NBAS: variants seen among roughly 807,000 people sequenced by gnomAD.
NBAS encodes NAG/BC035112 fusion.
NBAS carries 219 observed loss-of-function variants against 302.5 expected under a neutral mutation model. The observed-to-expected ratio is 0.72, with a 90% CI of 0.65 to 0.81. NBAS has a LOEUF of 0.81. NBAS is among the 30% of genes least tolerant of loss of function. The pLI is 0.00. For missense variants in NBAS, 2,932 were observed against 2,841.6 expected (o/e 1.03, Z -0.72); for synonymous variants, 1,118 against 1,021.6 (o/e 1.09, Z -1.80).
At chr2:15,073,648 A>G in the NBAS span, among the ~76,000 whole-genome samples, 1 of 152,196 alleles carries the variant, frequency 6.6e-6, no homozygotes, top group African/African-American at 2.4e-5. Context: ...ATTACTAAGC[A>G]AAATGTACTT....
the NBAS span, among the ~76,000 whole-genome samples, chr2:14,917,733 A>G: frequency 6.6e-6 from 1 of 152,210 alleles, no homozygotes; most frequent in East Asian, 1.9e-4. Context: ...TGGACAAGGA[A>G]TGGCCTCTTG....
At chr2:14,814,053 A>C in the NBAS span, among the ~76,000 whole-genome samples, 1 of 152,236 alleles carries the variant, frequency 6.6e-6, no homozygotes, top group African/African-American at 2.4e-5. Flanking sequence ...TCAGGTGTGC[A>C]GAAGGTAAGA....
the NBAS span, among the ~76,000 whole-genome samples, chr2:14,831,614 G>T: frequency 6.6e-6 from 1 of 152,082 alleles, no homozygotes; most frequent in Non-Finnish European, 1.5e-5. Context: ...ATTATTATTT[G>T]CATGGAGACC....
At chr2:15,384,653 C>A (rs1342383845) in intron 28 of NBAS, among the ~76,000 whole-genome samples, 1 of 151,624 alleles carries the variant, frequency 6.6e-6, no homozygotes, top group Admixed American at 6.6e-5. Flanking sequence ...GTAGGAGAGA[C>A]AATATACTGT....
At chr2:14,969,126 C>T in the NBAS span, among the ~76,000 whole-genome samples, 5 of 152,228 alleles carry the variant, frequency 3.3e-5, no homozygotes, top group Middle Eastern at 3.4e-3. Flanking sequence ...GATTCCATTT[C>T]TATGACATGC....
the NBAS span, among the ~76,000 whole-genome samples, chr2:14,869,111 A>G: frequency 2.0e-5 from 3 of 152,208 alleles, no homozygotes; most frequent in African/African-American, 7.2e-5. Context: ...AAAATGAAAT[A>G]AATAAGCAAG....
chr2:15,300,297 T>G (rs931267009), intron 40 of NBAS, among the ~76,000 whole-genome samples: 5 of 152,226 alleles, frequency 3.3e-5, no homozygotes, highest in African/African-American at 1.2e-4. Context: ...GAGTGAAAGC[T>G]AAGCTTCACT....
chr2:15,205,457 A>T lies in NBAS; in HGVS notation c.6432+13316T>A, dbSNP rs533798339. 1.0e-3 allele frequency among the ~76,000 whole-genome samples: 142 copies of T among 141,094 alleles called. 1 individual carries two copies. The highest frequency in any genetic ancestry group is 4.5e-5 in the Non-Finnish European group (3 of 66,776). The allele number at this position is 141,094 out of a possible 152,430, so 92.6% of individuals were successfully genotyped here. ...ATGGACTAAATTCGCCAATCAAAAG[A>T]CATAGAGTGGTTGAATAAATTAAAA... On this transcript the variant is annotated intron_variant, in intron 48 of 51. Transcript: ENST00000281513.
chr2:14,990,125 A>C, the NBAS span, among the ~76,000 whole-genome samples: 1 of 151,852 alleles, frequency 6.6e-6, no homozygotes, highest in Non-Finnish European at 1.5e-5. Flanking sequence ...TTAAATTGTT[A>C]AAACAGGCCA....
At chr2:14,934,447 CTCCTTTTCTATAAGTCT>C in the NBAS span, among the ~76,000 whole-genome samples, 12 of 152,072 alleles carry the variant, frequency 7.9e-5, no homozygotes, top group Non-Finnish European at 1.3e-4. Context: ...TAACATTTAA[CTCCTTTTCTATAAGTCT>C]ATTGAGTCCG....
chr2:15,343,844 G>T (rs1672965482), intron 35 of NBAS, among the ~76,000 whole-genome samples: 1 of 149,586 alleles, frequency 6.7e-6, no homozygotes, highest in Admixed American at 6.7e-5. Flanking sequence ...ATACATAAAA[G>T]AAAATATTAA....
chr2:15,468,892 T>C (rs1679839463), intron 16 of NBAS, among the ~76,000 whole-genome samples: 1 of 152,262 alleles, frequency 6.6e-6, no homozygotes, highest in Non-Finnish European at 1.5e-5. Context: ...AAAGGCAAGA[T>C]ATATTCTGTC....
chr2:15,150,066 CAAAAAAA>C, the NBAS span, among the ~76,000 whole-genome samples: 1 of 64,186 alleles, frequency 1.6e-5, no homozygotes. Context: ...AACCCTGTCT[CAAAAAAA>C]AAAAAAAAAA....
intron 9 of NBAS, among the ~76,000 whole-genome samples, chr2:15,532,488 C>CAAAAAAA: frequency 2.1e-5 from 1 of 47,802 alleles, no homozygotes; most frequent in South Asian, 6.7e-4. Flanking sequence ...GACTCCATCT[C>CAAAAAAA]AAAAAAAAAA....
intron 40 of NBAS, among the ~76,000 whole-genome samples, chr2:15,295,404 CACAG>C (rs1670502191): frequency 6.6e-6 from 1 of 152,172 alleles, no homozygotes; most frequent in Admixed American, 6.5e-5. Context: ...GTGAAATAAG[CACAG>C]ACACACAGAG....
rs77618990 is a variant in NBAS, at chr2:15,512,953, C to T, written c.747-1603G>A. On this transcript the variant is annotated intron_variant, in intron 9 of 51. Coordinates refer to ENST00000281513, the MANE Select transcript of NBAS (RefSeq NM_015909.4). The stretch of plus-strand genomic sequence containing the variant: ...GTCACACTCTAATGCCACTAAAAGC[C>T]CTCTTCTCATTTGACAACCCACTTT... Among the ~76,000 whole-genome samples, 631 of 152,226 alleles carry T rather than the reference C, an allele frequency of 4.1e-3. 15 individuals carry two copies. The East Asian group carries it at 0.057, about 14-fold the overall frequency.
At chr2:15,561,062 C>A in intron 1 of NBAS, 126 bp downstream of exon 1, 1 of 846,954 alleles carries the variant, frequency 1.2e-6, no homozygotes, top group Non-Finnish European at 2.0e-6. Flanking sequence ...AAGGCGACCG[C>A]ACAAGCCAAC....
At chr2:14,786,595 G>A in the NBAS span, among the ~76,000 whole-genome samples, 7 of 152,138 alleles carry the variant, frequency 4.6e-5, no homozygotes, top group African/African-American at 1.7e-4. Context: ...TAGTCATTCA[G>A]GAGCAGGTTG....
chr2:14,911,012 A>T, the NBAS span, among the ~76,000 whole-genome samples: 2 of 152,230 alleles, frequency 1.3e-5, no homozygotes, highest in Non-Finnish European at 2.9e-5. Flanking sequence ...ACTTCAGAAA[A>T]GTTTAGCAAA....
Sources: allele counts gnomAD v4.1 joint callset (sites outside exome capture counted in the v4.1 genomes callset), GRCh38; gene constraint gnomAD v4.1.1; transcripts MANE v1.5; gene names NCBI Gene and HGNC (gene_info 2026-07-23, HGNC 2026-07-21).